The following SLC12A2 variants were observed in gnomAD, a reference collection of about 807,000 sequenced individuals.
SLC12A2 encodes the protein solute carrier family 12 member 2, also known as Na-K-2Cl cotransporter 1.
SLC12A2 carries 67 observed loss-of-function variants against 136.3 expected under a neutral mutation model. That is an observed-to-expected ratio of 0.49 (90% CI 0.40 to 0.60). The LOEUF is 0.60. SLC12A2 is among the 20% of genes least tolerant of loss of function. SLC12A2 has a pLI of 0.00. For missense variants in SLC12A2, 1,322 were observed against 1,534.7 expected (o/e 0.86, Z 2.32); for synonymous variants, 619 against 562.9 (o/e 1.10, Z -1.41).
At chr5:128,141,106 T>A (rs1762351906) in intron 9 of SLC12A2, among the ~76,000 whole-genome samples, 1 of 152,188 alleles carries the variant, frequency 6.6e-6, no homozygotes, top group Non-Finnish European at 1.5e-5. Context: ...ATTGCTTGTT[T>A]CAAGGTCACT....
intron 14 of SLC12A2, among the ~76,000 whole-genome samples, chr5:128,152,491 C>A (rs953204422): frequency 6.6e-6 from 1 of 152,166 alleles, no homozygotes; most frequent in Non-Finnish European, 1.5e-5. Flanking sequence ...TCATCTCAAT[C>A]TTTTCTAAGT....
chr5:128,184,733 C>A, intron 25 of SLC12A2, 56 bp from the exon 26 acceptor site: 1 of 1,608,092 alleles, frequency 6.2e-7, no homozygotes, highest in Non-Finnish European at 8.5e-7. Context: ...TTTTATGAAC[C>A]ATGCTAAATT....
At chr5:128,091,925 AT>A (rs900263974) in intron 1 of SLC12A2, among the ~76,000 whole-genome samples, 1 of 152,172 alleles carries the variant, frequency 6.6e-6, no homozygotes, top group African/African-American at 2.4e-5. Flanking sequence ...AACCTGTGGG[AT>A]AGTTCTTTGT....
chr5:128,138,351 G>C (rs545655220), intron 7 of SLC12A2, among the ~76,000 whole-genome samples: 1 of 152,128 alleles, frequency 6.6e-6, no homozygotes, highest in East Asian at 1.9e-4. Context: ...AGAGGCTCTT[G>C]AAACATAATT....
chr5:128,184,835 G>A lies in SLC12A2; in HGVS notation c.3482G>A (p.Ser1161Asn), dbSNP rs1474901635. The A allele has an allele frequency of 5.6e-6, 9 of 1,604,430 alleles. No homozygotes were observed. The highest frequency in any genetic ancestry group is 7.7e-6 in the Non-Finnish European group (9 of 1,171,602). Residue 1161 changes from serine (S) to asparagine (N), a missense_variant, in exon 26 of 27, where the codon AGC becomes AAC. Coordinates refer to ENST00000262461, the MANE Select transcript of SLC12A2 (RefSeq NM_001046.3). ...RLNELLKEHS[S>N]TANIIVMSLP... ...AATGAGTTATTAAAGGAACATTCAA[G>A]CACAGCTAATATTATTGTCATGTAA...
chr5:128,092,476 A>C (rs1760368943), intron 1 of SLC12A2, among the ~76,000 whole-genome samples: 1 of 152,228 alleles, frequency 6.6e-6, no homozygotes, highest in Admixed American at 6.5e-5. Context: ...TTACCATTTA[A>C]GGTCTTTATC....
At chr5:128,171,488 G>A (rs543670137) in intron 18 of SLC12A2, among the ~76,000 whole-genome samples, 179 bp from the exon 19 acceptor site, 12 of 152,296 alleles carry the variant, frequency 7.9e-5, no homozygotes, top group South Asian at 6.2e-4. Context: ...AGAGAATGTT[G>A]TGGAATTTGA....
At chr5:128,139,940 CAG>C (rs1381758046) in intron 9 of SLC12A2, among the ~76,000 whole-genome samples, 14 of 152,262 alleles carry the variant, frequency 9.2e-5, no homozygotes, top group African/African-American at 3.1e-4. Context: ...CACTACATGA[CAG>C]AAATACTAAT....
Position 128,187,908 on chromosome 5 carries a change from C to G in SLC12A2, c.*1277C>G, listed in dbSNP as rs1464981216. The stretch of plus-strand genomic sequence containing the variant: ...ATGAAATTATTAATGTGAAGTTTTT[C>G]ATTTATAATTCAAGGAAGGATTTCC... On this transcript the variant is annotated 3_prime_UTR_variant, in exon 27 of 27. Coordinates refer to ENST00000262461, the MANE Select transcript of SLC12A2 (RefSeq NM_001046.3). The G allele has an allele frequency of 6.6e-6, 1 of 152,382 alleles. No homozygotes were observed. Among genetic ancestry groups the G allele is most frequent in the Non-Finnish European group, 1.5e-5 (1 of 67,998 alleles). The allele number at this position is 152,382 out of a possible 1,614,324, so 9.4% of individuals were successfully genotyped here. A position where few individuals can be genotyped will look rare whatever the true frequency, so the allele number is the denominator to read the frequency against.
intron 8 of SLC12A2, 32 bp from the exon 9 acceptor site, chr5:128,138,792 G>A: frequency 2.5e-6 from 4 of 1,602,920 alleles, no homozygotes; most frequent in Non-Finnish European, 3.4e-6. Context: ...TATTTTTACA[G>A]ATAGACTTTA....
Position 128,184,517 on chromosome 5 carries a change from T to C in SLC12A2, c.3435+16T>C. The C allele has an allele frequency of 1.3e-6, 2 of 1,563,252 alleles. No homozygotes were observed. Among genetic ancestry groups the C allele is most frequent in the Non-Finnish European group, 1.7e-6 (2 of 1,160,582 alleles). On this transcript the variant is annotated intron_variant, in intron 25 of 26. Transcript: ENST00000262461. ...TAAGACCAAGGTATTCTCTTCTGCT[T>C]CCTTTTCATTAATCTTTTATATAAT...
chr5:128,163,251 G>C (rs578133316), intron 17 of SLC12A2, among the ~76,000 whole-genome samples: 8 of 152,118 alleles, frequency 5.3e-5, no homozygotes, highest in African/African-American at 1.7e-4. Flanking sequence ...ACTTCAGGCC[G>C]GGCACAGTGG....
intron 4 of SLC12A2, among the ~76,000 whole-genome samples, chr5:128,120,783 A>G (rs1393511830): frequency 6.6e-6 from 1 of 152,052 alleles, no homozygotes; most frequent in African/African-American, 2.4e-5. Flanking sequence ...TGGGTGCAGC[A>G]CACCAGCATG....
intron 1 of SLC12A2, among the ~76,000 whole-genome samples, chr5:128,112,177 GAAACCTAA>G (rs1030451028): frequency 6.6e-5 from 10 of 152,130 alleles, no homozygotes; most frequent in Non-Finnish European, 4.4e-5. Flanking sequence ...AATCAGCTAT[GAAACCTAA>G]AAACCTAAAA....
At chr5:128,182,975 A>G in intron 24 of SLC12A2, 34 bp downstream of exon 24, 1 of 1,336,786 alleles carries the variant, frequency 7.5e-7, no homozygotes. Context: ...ATCCCTTTAT[A>G]GATGGCCTAC....
chr5:128,186,444 TA>T (rs1274233929), intron 26 of SLC12A2, 51 bp from the exon 27 acceptor site: 2 of 1,542,010 alleles, frequency 1.3e-6, no homozygotes, highest in Non-Finnish European at 1.7e-6. Flanking sequence ...TTTTATTCTG[TA>T]AATGCATTGC....
chr5:128,183,704 T>G (rs558416526), intron 24 of SLC12A2, among the ~76,000 whole-genome samples: 1 of 152,070 alleles, frequency 6.6e-6, no homozygotes, highest in African/African-American at 2.4e-5. Flanking sequence ...AATGTTCTAG[T>G]ACATTTTTTT....
chr5:128,173,535 G>A (rs535709721), intron 19 of SLC12A2, among the ~76,000 whole-genome samples: 1 of 152,170 alleles, frequency 6.6e-6, no homozygotes, highest in African/African-American at 2.4e-5. Context: ...TTTGGGAATA[G>A]GAATTAAGAG....
intron 4 of SLC12A2, among the ~76,000 whole-genome samples, chr5:128,126,962 A>ATTT (rs1486260326): frequency 0.034 from 795 of 23,140 alleles, 14 homozygotes; most frequent in Non-Finnish European, 0.045. Context: ...ATATATATAT[A>ATTT]TATATTTTTT....
Sources: allele counts gnomAD v4.1 joint callset (sites outside exome capture counted in the v4.1 genomes callset), GRCh38; gene constraint gnomAD v4.1.1; transcripts MANE v1.5; gene names NCBI Gene and HGNC (gene_info 2026-07-23, HGNC 2026-07-21).